Variants in GALNT2 observed in about 807,000 individuals in gnomAD.
GALNT2 encodes the protein UDP-GalNAc:polypeptide N-acetylgalactosaminyltransferase 2.
Under a neutral mutation model 81.4 loss-of-function variants are expected in GALNT2, and 31 were observed. That is an observed-to-expected ratio of 0.38 (90% CI 0.29 to 0.51). The LOEUF (loss-of-function observed/expected upper bound fraction) is 0.51, where lower values mean the gene tolerates loss of function less well. Ranked by LOEUF, GALNT2 falls within the 20% of genes least tolerant of loss-of-function variation. GALNT2 has a pLI of 0.87. For synonymous variants in GALNT2, 303 were observed against 287.4 expected (o/e 1.05, Z -0.55); for missense variants, 629 against 765.7 (o/e 0.82, Z 2.11).
rs1390267591 is a variant in GALNT2 at position 230,271,886 on chromosome 1, G to A, written c.1441-2559G>A. Among the ~76,000 whole-genome samples the A allele has an allele frequency of 6.6e-6, 1 of 152,240 alleles. No individual in the cohort carries two copies. Among genetic ancestry groups the A allele is most frequent in the Non-Finnish European group, 1.5e-5 (1 of 68,034 alleles). Reference sequence around the variant, plus strand: ...CTCCAGCTCCTCTTCCCTTCCCAGAGGATGGGGTGGCGGGGGACTGACGGT... The same window carrying A: ...CTCCAGCTCCTCTTCCCTTCCCAGAAGATGGGGTGGCGGGGGACTGACGGT... On this transcript the variant is annotated intron_variant, in intron 14 of 15. Transcript: ENST00000366672. This position sits in a 1 kb window ranked among gnomAD's most constrained non-coding sequence, Gnocchi z 4.2.
At chr1:230,124,985 C>G (rs1385009796) in intron 1 of GALNT2, among the ~76,000 whole-genome samples, 2 of 152,174 alleles carry the variant, frequency 1.3e-5, no homozygotes, top group African/African-American at 2.4e-5. Flanking sequence ...GAGTGTTGTT[C>G]TCTTCCACCA....
intron 1 of GALNT2, among the ~76,000 whole-genome samples, chr1:230,130,990 C>A (rs1661349668): frequency 6.6e-6 from 1 of 152,024 alleles, no homozygotes; most frequent in Non-Finnish European, 1.5e-5. Context: ...CTGTCAGGCA[C>A]CCTCCAACAT....
intron 1 of GALNT2, among the ~76,000 whole-genome samples, chr1:230,071,011 G>A (rs989232767): frequency 6.6e-6 from 1 of 152,150 alleles, no homozygotes; most frequent in African/African-American, 2.4e-5. Flanking sequence ...TGCAGTGGGA[G>A]TAATCATTCT....
At chr1:230,210,228 G>C (rs898807134) in intron 3 of GALNT2, among the ~76,000 whole-genome samples, 1 of 152,184 alleles carries the variant, frequency 6.6e-6, no homozygotes, top group African/African-American at 2.4e-5. Context: ...CTCTCTACTA[G>C]GGAAAACTTG....
intron 1 of GALNT2, among the ~76,000 whole-genome samples, chr1:230,140,286 T>C (rs374630051): frequency 3.3e-5 from 5 of 152,140 alleles, no homozygotes; most frequent in African/African-American, 1.2e-4. Context: ...CAGGCAACAG[T>C]CCCTGCCAGT....
intron 10 of GALNT2, among the ~76,000 whole-genome samples, chr1:230,251,880 G>A (rs78863923): frequency 0.022 from 3,316 of 152,218 alleles, 51 homozygotes; most frequent in Non-Finnish European, 0.034. Context: ...ATCTAAGGAG[G>A]CATTCACCCA....
intron 1 of GALNT2, among the ~76,000 whole-genome samples, chr1:230,175,765 G>A (rs1264637839): frequency 6.6e-6 from 1 of 151,348 alleles, no homozygotes; most frequent in Non-Finnish European, 1.5e-5. Context: ...TGGCCTGGGA[G>A]TCCAGAACAA....
chr1:230,078,121 CCTTT>C (rs1187613056), intron 1 of GALNT2, among the ~76,000 whole-genome samples: 1 of 152,188 alleles, frequency 6.6e-6, no homozygotes, highest in African/African-American at 2.4e-5. Context: ...CCAATTACAG[CCTTT>C]CTTTTTCTCG....
intron 1 of GALNT2, among the ~76,000 whole-genome samples, chr1:230,120,097 C>T (rs759089478): frequency 5.0e-5 from 7 of 139,056 alleles, no homozygotes; most frequent in Admixed American, 2.4e-4. Flanking sequence ...GGCACCTGGC[C>T]GGAGCATCTC....
chr1:230,140,286 T>A (rs374630051), intron 1 of GALNT2, among the ~76,000 whole-genome samples: 1 of 152,140 alleles, frequency 6.6e-6, no homozygotes, highest in Non-Finnish European at 1.5e-5. Flanking sequence ...CAGGCAACAG[T>A]CCCTGCCAGT....
intron 1 of GALNT2, among the ~76,000 whole-genome samples, chr1:230,147,968 A>G (rs1661974239): frequency 6.6e-6 from 1 of 152,198 alleles, no homozygotes; most frequent in Non-Finnish European, 1.5e-5. Context: ...GTCCCCAGAC[A>G]CTGTCCCTGT....
rs143840242 is a variant in GALNT2, at chr1:230,213,909, T to G, written c.374+10619T>G. 4.5e-3 allele frequency among the ~76,000 whole-genome samples: 691 copies of G among 152,040 alleles called. 11 individuals are homozygous for G. The highest frequency in any genetic ancestry group is 0.039 in the Admixed American group (601 of 15,296). On this transcript the variant is annotated intron_variant, in intron 3 of 15. Coordinates refer to ENST00000366672, the MANE Select transcript of GALNT2 (RefSeq NM_004481.5). ...TTAGCTTAATTCTTTCTTTATAAAC[T>G]CTATAGGATATCTTTTATTGTTTTA...
chr1:230,201,578 C>T (rs1428796621), intron 2 of GALNT2, among the ~76,000 whole-genome samples: 2 of 152,126 alleles, frequency 1.3e-5, no homozygotes, highest in Non-Finnish European at 2.9e-5. Flanking sequence ...ATTATCATAC[C>T]GTGTTTTCAA....
chr1:230,260,997 A>G (rs557506645), intron 11 of GALNT2, among the ~76,000 whole-genome samples: 21 of 152,214 alleles, frequency 1.4e-4, no homozygotes, highest in Non-Finnish European at 2.9e-4. Flanking sequence ...CATTTCTGTC[A>G]ACATGTAAGA....
At chr1:230,249,373 A>C in intron 9 of GALNT2, 102 bp downstream of exon 9, 1 of 919,362 alleles carries the variant, frequency 1.1e-6, no homozygotes, top group Non-Finnish European at 1.7e-6. Flanking sequence ...GGGGCTGTTC[A>C]CCTTCTGCCC....
chr1:230,215,244 T>A (rs1007730154), intron 3 of GALNT2, among the ~76,000 whole-genome samples: 5 of 152,182 alleles, frequency 3.3e-5, no homozygotes, highest in Admixed American at 2.0e-4. Context: ...CCTCCACAGC[T>A]CCACAGCACC....
intron 1 of GALNT2, among the ~76,000 whole-genome samples, chr1:230,062,236 A>AT (rs1017709682): frequency 6.6e-6 from 1 of 152,196 alleles, no homozygotes; most frequent in Non-Finnish European, 1.5e-5. Context: ...GCTTTTCGCC[A>AT]TTTTTTATAG....
Position 230,203,279 on chromosome 1 carries a change from C to T in GALNT2, c.363C>T (p.Thr121=). ...GAATGGACAGAGCCATCCCTGACAC[C>T]CGGCATGACCAGTAAGTACCCCACT... is the stretch of plus-strand genomic sequence containing the variant. ...KLRMDRAIPD[T]RHDQCQRKQW... Residue 121 remains threonine, a synonymous_variant, in exon 3 of 16, where the codon ACC becomes ACT. Coordinates refer to ENST00000366672, the MANE Select transcript of GALNT2 (RefSeq NM_004481.5). The T allele has an allele frequency of 6.2e-7, 1 of 1,614,004 alleles. No homozygotes were observed. The highest frequency in any genetic ancestry group is 2.2e-5 in the East Asian group (1 of 44,888).
intron 1 of GALNT2, among the ~76,000 whole-genome samples, chr1:230,129,001 G>T (rs12567442): frequency 6.6e-6 from 1 of 152,142 alleles, no homozygotes; most frequent in African/African-American, 2.4e-5. Flanking sequence ...TGAAGCCCCC[G>T]CGACACTTGT....
Sources: gnomAD v4.1 joint callset for allele counts (sites outside exome capture counted in the v4.1 genomes callset) on GRCh38, gnomAD v4.1.1 for gene constraint, Gnocchi (gnomAD v3.1) non-coding constraint, MANE v1.5 for transcripts, NCBI Gene and HGNC (gene_info 2026-07-23, HGNC 2026-07-21) for gene names.